The following BBX variants were observed in gnomAD, a reference collection of about 807,000 sequenced individuals.
The protein encoded by BBX is HMG box transcription factor BBX.
BBX carries 30 observed loss-of-function variants against 100.2 expected under a neutral mutation model. The observed-to-expected ratio is 0.30, with a 90% CI of 0.22 to 0.41. BBX has a LOEUF of 0.41. Ranked by LOEUF, BBX falls within the 10% of genes least tolerant of loss-of-function variation. The pLI is 1.00. For synonymous variants in BBX, 376 were observed against 388.1 expected (o/e 0.97, Z 0.37); for missense variants, 1,023 against 1,129.8 (o/e 0.91, Z 1.35).
At chr3:107,595,252 T>G (rs1345494447) in intron 2 of BBX, among the ~76,000 whole-genome samples, 1 of 152,188 alleles carries the variant, frequency 6.6e-6, no homozygotes, top group African/African-American at 2.4e-5. Flanking sequence ...AATAGCAGAG[T>G]TGCACAGAGG....
chr3:107,639,388 G>A (rs1231246745), intron 2 of BBX, among the ~76,000 whole-genome samples: 1 of 152,108 alleles, frequency 6.6e-6, no homozygotes, highest in Non-Finnish European at 1.5e-5. Context: ...CCCAATCTCT[G>A]AGGGGTATCC....
chr3:107,527,725 A>G (rs2047880446), intron 2 of BBX, among the ~76,000 whole-genome samples: 1 of 152,246 alleles, frequency 6.6e-6, no homozygotes, highest in Non-Finnish European at 1.5e-5. Context: ...TACATCACAT[A>G]CATAGCAGGC....
chr3:107,708,367 G>A (rs761316081), intron 3 of BBX, among the ~76,000 whole-genome samples: 1 of 151,966 alleles, frequency 6.6e-6, no homozygotes, highest in South Asian at 2.1e-4. Context: ...TTTCTTGACT[G>A]GACATAGCTT....
At chr3:107,768,938 G>A (rs963301510) in intron 10 of BBX, among the ~76,000 whole-genome samples, 10 of 143,588 alleles carry the variant, frequency 7.0e-5, no homozygotes, top group East Asian at 2.2e-4. Flanking sequence ...CAGGAGGATC[G>A]CTTGAGGCCA....
intron 3 of BBX, among the ~76,000 whole-genome samples, chr3:107,691,021 C>T (rs1000595831): frequency 1.3e-5 from 2 of 151,410 alleles, no homozygotes; most frequent in Non-Finnish European, 2.9e-5. Context: ...ATTCTCCCAC[C>T]TCAACCTCCT....
At chr3:107,741,779 C>G (rs2064128243) in intron 7 of BBX, among the ~76,000 whole-genome samples, 2 of 152,166 alleles carry the variant, frequency 1.3e-5, no homozygotes, top group Non-Finnish European at 2.9e-5. Context: ...TTAAACATTT[C>G]ACAACATCTA....
intron 13 of BBX, among the ~76,000 whole-genome samples, chr3:107,789,327 G>A (rs2068748175): frequency 6.6e-6 from 1 of 152,184 alleles, no homozygotes; most frequent in South Asian, 2.1e-4. Flanking sequence ...TAAAAGGCCA[G>A]AAAGCTATCT....
At chr3:107,560,167 C>T (rs963462760) in intron 2 of BBX, among the ~76,000 whole-genome samples, 2 of 151,626 alleles carry the variant, frequency 1.3e-5, no homozygotes, top group Admixed American at 1.3e-4. Flanking sequence ...AAAAGCCTTA[C>T]TACTTTCTAA....
At chr3:107,659,568 A>T in intron 3 of BBX, 1 of 317,068 alleles carries the variant, frequency 3.2e-6, no homozygotes, top group Non-Finnish European at 6.0e-6. Context: ...CATTTTTTAG[A>T]TGGGGAAACT....
At chr3:107,602,224 C>G (rs1039148510) in intron 2 of BBX, among the ~76,000 whole-genome samples, 1 of 152,234 alleles carries the variant, frequency 6.6e-6, no homozygotes, top group African/African-American at 2.4e-5. Context: ...ATGTTGTTTT[C>G]ATGCTGCTAA....
At chr3:107,745,627 AT>A (rs967914314) in intron 8 of BBX, among the ~76,000 whole-genome samples, 194 of 147,846 alleles carry the variant, frequency 1.3e-3, no homozygotes, top group African/African-American at 3.4e-3. Context: ...TGCCCAACTA[AT>A]TTTTTTTTTT....
intron 3 of BBX, chr3:107,677,566 T>C (rs1242748915): frequency 6.6e-6 from 1 of 152,160 alleles, no homozygotes. Context: ...TCAGAACAGT[T>C]ATATTAGCCT....
rs148670507 is a variant in BBX at position 107,539,338 on chromosome 3, G to T, written c.-84+12940G>T. ...ACATATACCAAATGTGAAATAGAAG[G>T]TAAACATGCCATAATATCCATGTGT... On this transcript the variant is annotated intron_variant, in intron 2 of 17. Coordinates refer to ENST00000325805, the MANE Select transcript of BBX (RefSeq NM_001142568.3). Among the ~76,000 whole-genome samples, 1,015 of 152,218 alleles carry T rather than the reference G, an allele frequency of 6.7e-3. 14 individuals carry two copies. The highest frequency in any genetic ancestry group is 0.023 in the African/African-American group (939 of 41,520).
intron 3 of BBX, among the ~76,000 whole-genome samples, chr3:107,687,424 G>C (rs1247152764): frequency 6.6e-6 from 1 of 151,894 alleles, no homozygotes; most frequent in African/African-American, 2.4e-5. Context: ...AGAATGGAGA[G>C]GGGGGAATGG....
chr3:107,766,186 G>C (rs1471436229), intron 10 of BBX, among the ~76,000 whole-genome samples: 1 of 152,166 alleles, frequency 6.6e-6, no homozygotes, highest in Non-Finnish European at 1.5e-5. Context: ...ATGTCTGTCT[G>C]TCTCTCCACA....
chr3:107,575,534 G>A (rs552090022), intron 2 of BBX, among the ~76,000 whole-genome samples: 19 of 152,300 alleles, frequency 1.2e-4, no homozygotes, highest in African/African-American at 3.6e-4. Context: ...ATCTGATGGG[G>A]ATGGATATCT....
intron 14 of BBX, 45 bp downstream of exon 14, chr3:107,789,921 C>T (rs2068816436): frequency 2.8e-6 from 4 of 1,405,734 alleles, no homozygotes; most frequent in Non-Finnish European, 3.9e-6. Context: ...TGGTCACCTC[C>T]ATTGTGATTC....
At chr3:107,715,954 GA>G (rs1367287301) in intron 4 of BBX, among the ~76,000 whole-genome samples, 1 of 152,204 alleles carries the variant, frequency 6.6e-6, no homozygotes, top group African/African-American at 2.4e-5. Flanking sequence ...TTACAAGTTT[GA>G]AGATTTATTG....
chr3:107,732,957 T>A lies in BBX; in HGVS notation c.603T>A (p.Asp201Glu). 1 of 1,612,758 alleles carries A rather than the reference T, an allele frequency of 6.2e-7. No homozygotes were observed. The highest frequency in any genetic ancestry group is 8.5e-7 in the Non-Finnish European group (1 of 1,179,286). Residue 201 changes from aspartate (D) to glutamate (E), a missense_variant and splice_region_variant, in exon 7 of 18, where the codon GAT (aspartate) becomes GAA (glutamate). Transcript: ENST00000325805. ...GTGATTTGTTTTTGACTTATTTAGATCCTACTCAAATGGGAGGCCTGAGTA... is the reference window on the plus strand; with the variant it reads ...GTGATTTGTTTTTGACTTATTTAGAACCTACTCAAATGGGAGGCCTGAGTA... ...EMPQLNFGMADPTQMGGLSML... is the reference protein window; with the variant it reads ...EMPQLNFGMAEPTQMGGLSML...
Sources: allele counts gnomAD v4.1 joint callset (sites outside exome capture counted in the v4.1 genomes callset), GRCh38; gene constraint gnomAD v4.1.1; transcripts MANE v1.5; gene names NCBI Gene and HGNC (gene_info 2026-07-23, HGNC 2026-07-21).